Variants in TTLL3 observed in about 807,000 individuals in gnomAD.
TTLL3 encodes tubulin monoglycylase TTLL3.
Under a neutral mutation model 75.2 loss-of-function variants are expected in TTLL3, and 63 were observed. That is an observed-to-expected ratio of 0.84 (90% CI 0.68 to 1.03). The LOEUF (loss-of-function observed/expected upper bound fraction) is 1.03. TTLL3 is among the 50% of genes least tolerant of loss of function. The probability of loss-of-function intolerance (pLI) is 0.00; values close to 1 mark genes in which losing one functional copy is unlikely to be tolerated. For synonymous variants in TTLL3, 393 were observed against 418.5 expected, an observed-to-expected ratio of 0.94 and a Z score of 0.74; for missense variants, 997 against 1,069.9, an observed-to-expected ratio of 0.93 and a Z score of 0.95.
intron 8 of TTLL3, among the ~76,000 whole-genome samples, chr3:9,823,341 G>A (rs1026750839): frequency 6.6e-6 from 1 of 150,968 alleles, no homozygotes; most frequent in African/African-American, 2.4e-5. Flanking sequence ...CCGAGATCGC[G>A]CCACTGCACT....
chr3:9,828,902 G>A (rs1298442498), intron 10 of TTLL3, 58 bp from the exon 11 acceptor site: 1 of 1,593,268 alleles, frequency 6.3e-7, no homozygotes, highest in African/African-American at 1.3e-5. Context: ...TGTCCTCCCT[G>A]AGTTTGGATG....
At chr3:9,825,647 G>A (rs1293393631) in intron 8 of TTLL3, 153 bp from the exon 9 acceptor site, 22 of 1,401,276 alleles carry the variant, frequency 1.6e-5, no homozygotes, top group East Asian at 2.5e-5. Flanking sequence ...AGGTGGGGCC[G>A]GAGGCTTGGG....
intron 5 of TTLL3, among the ~76,000 whole-genome samples, chr3:9,816,974 C>CT (rs1361741345): frequency 1.3e-5 from 2 of 152,104 alleles, no homozygotes; most frequent in African/African-American, 2.4e-5. Context: ...GGAAGCAGCT[C>CT]TTTTTTTATT....
At position 9,810,691 on chromosome 3, in the gene TTLL3, C is replaced by T; in HGVS notation, c.30C>T (p.Tyr10=). 1.3e-6 allele frequency: 2 copies of T among 1,587,440 alleles called. No individual in the cohort carries two copies. Among genetic ancestry groups the T allele is most frequent in the South Asian group, 1.2e-5 (1 of 86,590 alleles). The change falls in exon 2 of 14, where the codon TAC becomes TAT. Residue 10 remains tyrosine, a synonymous_variant. Coordinates refer to ENST00000685419, the MANE Select transcript of TTLL3 (RefSeq NM_001387446.1). This position sits in a 1 kb window ranked among gnomAD's most constrained non-coding sequence, Gnocchi z 4.4. Reference sequence around the variant, plus strand: ...ACCGGCTCAGAAACGCCAAAATCTACGTGGAGAGAGCTGTCAAGGTCAGAG... The same window carrying T: ...ACCGGCTCAGAAACGCCAAAATCTATGTGGAGAGAGCTGTCAAGGTCAGAG... MNRLRNAKI[Y]VERAVKQKKI... is the part of the protein sequence containing the mutation.
intron 8 of TTLL3, 65 bp from the exon 9 acceptor site, chr3:9,825,735 C>T (rs2080974859): frequency 1.9e-6 from 3 of 1,613,480 alleles, no homozygotes; most frequent in Admixed American, 3.3e-5. Flanking sequence ...AATATATCTC[C>T]CCCTGCCCTC....
intron 7 of TTLL3, chr3:9,819,444 C>T: frequency 1.0e-6 from 1 of 967,670 alleles, no homozygotes; most frequent in Non-Finnish European, 1.2e-6. Flanking sequence ...TGGCATGTAG[C>T]CGAGCACCCT....
rs747995197 is a variant in TTLL3, at chr3:9,835,582, C to T, written c.*93C>T. 4.7e-5 allele frequency: 60 copies of T among 1,268,666 alleles called. 1 individual carries two copies. Among genetic ancestry groups the T allele is most frequent in the South Asian group, 6.0e-5 (4 of 66,308 alleles). 78.6% of individuals were successfully genotyped at this position (1,268,666 alleles called of 1,614,324 possible). ...TATTTAGGGACTCCCCCAGCATCTCCGATCCAGGGGTGGGGAGCGTGAGCC... is the reference window on the plus strand; with the variant it reads ...TATTTAGGGACTCCCCCAGCATCTCTGATCCAGGGGTGGGGAGCGTGAGCC... On this transcript the variant is annotated 3_prime_UTR_variant, in exon 14 of 14. Transcript: ENST00000685419.
intron 11 of TTLL3, among the ~76,000 whole-genome samples, chr3:9,830,829 G>A (rs1046430509): frequency 1.3e-5 from 2 of 151,972 alleles, no homozygotes; most frequent in Non-Finnish European, 2.9e-5. Flanking sequence ...TTGAGACGGG[G>A]TCTTGCTCTG....
intron 7 of TTLL3, chr3:9,819,892 T>C (rs2080251973): frequency 4.1e-6 from 4 of 985,342 alleles, no homozygotes; most frequent in Non-Finnish European, 4.8e-6. Context: ...TGCTTAAGCT[T>C]TTATGGTATA....
chr3:9,825,708 A>G (rs773818648), intron 8 of TTLL3, 92 bp from the exon 9 acceptor site: 3 of 1,609,236 alleles, frequency 1.9e-6, no homozygotes, highest in Non-Finnish European at 2.5e-6. Context: ...TGCCTGGATG[A>G]CGGCGGGGGA....
intron 12 of TTLL3, 61 bp from the exon 13 acceptor site, chr3:9,834,620 A>G: frequency 1.9e-6 from 3 of 1,603,852 alleles, no homozygotes; most frequent in South Asian, 1.1e-5. Context: ...CGTACCTGTT[A>G]GGGCAGCTAG....
rs1416203114 is a variant in TTLL3 at position 9,825,925 on chromosome 3, C to G, written c.980C>G (p.Pro327Arg). 2 of 1,613,872 alleles carry G rather than the reference C, an allele frequency of 1.2e-6. No individual in the cohort carries two copies. Among genetic ancestry groups the G allele is most frequent in the Non-Finnish European group, 1.7e-6 (2 of 1,179,788 alleles). The change falls in exon 9 of 14, where the codon CCA (proline) becomes CGA (arginine). Residue 327 changes from proline (P) to arginine (R), a missense_variant. Coordinates refer to ENST00000685419, the MANE Select transcript of TTLL3 (RefSeq NM_001387446.1). The part of the protein sequence containing the change: ...EGDRNIWIVK[P>R]GAKSRGRGIM... ...GATCGCAACATCTGGATCGTGAAGCCAGGAGCCAAGTCCCGCGGACGAGGT... is the reference window on the plus strand; with the variant it reads ...GATCGCAACATCTGGATCGTGAAGCGAGGAGCCAAGTCCCGCGGACGAGGT...
chr3:9,819,633 A>G, intron 7 of TTLL3: 1 of 985,624 alleles, frequency 1.0e-6, no homozygotes, highest in Non-Finnish European at 1.2e-6. Context: ...ATGCATGCCA[A>G]CCCAACCACT....
At chr3:9,829,625 G>A (rs2081344729) in intron 11 of TTLL3, among the ~76,000 whole-genome samples, 1 of 152,178 alleles carries the variant, frequency 6.6e-6, no homozygotes, top group Admixed American at 6.5e-5. Flanking sequence ...ATTCATGTAT[G>A]AGGATAATAT....
chr3:9,823,339 G>C (rs904864005), intron 8 of TTLL3, among the ~76,000 whole-genome samples: 1 of 151,452 alleles, frequency 6.6e-6, no homozygotes, highest in Admixed American at 6.6e-5. Flanking sequence ...AGCCGAGATC[G>C]CGCCACTGCA....
chr3:9,833,944 G>C (rs12495429), intron 12 of TTLL3: 107,573 of 169,878 alleles, frequency 0.63, 35,358 homozygotes, highest in Non-Finnish European at 0.7. Flanking sequence ...AACCCCATCT[G>C]TACTAAAAAA....
chr3:9,819,661 T>G (rs2080232075), intron 7 of TTLL3: 1 of 985,590 alleles, frequency 1.0e-6, no homozygotes, highest in South Asian at 4.7e-5. Flanking sequence ...CTTTCCCTTC[T>G]GGATTTAGCT....
chr3:9,827,781 A>G lies in TTLL3; in HGVS notation c.1247+541A>G, dbSNP rs115545623. 8.0e-3 allele frequency: 1,213 copies of G among 152,062 alleles called. 9 individuals carry two copies. The highest frequency in any genetic ancestry group is 0.012 in the Admixed American group (186 of 15,236). 9.4% of individuals were successfully genotyped at this position (152,062 alleles called of 1,614,324 possible). Reference sequence around the variant, plus strand: ...TGAACAAAACAAGATCCCAGCTCTCAAGGGCTTACATTCTAGCAGGGAGAA... The same window carrying G: ...TGAACAAAACAAGATCCCAGCTCTCGAGGGCTTACATTCTAGCAGGGAGAA... On this transcript the variant is annotated intron_variant, in intron 10 of 13. Transcript: ENST00000685419.
At chr3:9,814,891 G>C (rs1360118083) in intron 4 of TTLL3, among the ~76,000 whole-genome samples, 1 of 151,926 alleles carries the variant, frequency 6.6e-6, no homozygotes, top group Non-Finnish European at 1.5e-5. Context: ...TTGAGGTGAG[G>C]GCCCTTGGGT....
Sources: gnomAD v4.1 joint callset for allele counts (sites outside exome capture counted in the v4.1 genomes callset) on GRCh38, gnomAD v4.1.1 for gene constraint, Gnocchi (gnomAD v3.1) non-coding constraint, MANE v1.5 for transcripts, NCBI Gene and HGNC (gene_info 2026-07-23, HGNC 2026-07-21) for gene names.